Variants in ZNF844 observed in about 807,000 individuals in gnomAD.
ZNF844 encodes zinc finger protein 844.
In ZNF844, 11 loss-of-function variants were observed where a neutral mutation model predicts 11.4. The observed-to-expected ratio is 0.97, with a 90% confidence interval of 0.61 to 1.60. ZNF844 has a LOEUF of 1.60. ZNF844 is among the 40% of genes most tolerant of loss of function. ZNF844 has a pLI of 0.00. For missense variants in ZNF844, 790 were observed against 796.8 expected, an observed-to-expected ratio of 0.99 and a Z score of 0.10; for synonymous variants, 248 against 260.3, an observed-to-expected ratio of 0.95 and a Z score of 0.46.
At position 12,076,149 on chromosome 19, in the gene ZNF844, G is replaced by A; in HGVS notation, c.1029G>A (p.Gly343=). ...GKKPCECKQC[G]KALSYLNFQR... ...AGCCCTGTGAATGTAAACAATGTGG[G>A]AAAGCATTATCTTATCTTAACTTTC... Residue 343 remains glycine, a synonymous_variant, in exon 4 of 4, where the codon GGG becomes GGA. Coordinates refer to ENST00000439326, the MANE Select transcript of ZNF844 (RefSeq NM_001136501.3). The A allele has an allele frequency of 1.9e-6, 3 of 1,576,844 alleles. No individual in the cohort carries two copies. The highest frequency in any genetic ancestry group is 1.7e-4 in the Middle Eastern group (1 of 6,020).
intron 2 of ZNF844, 35 bp from the exon 3 acceptor site, chr19:12,074,326 T>C: frequency 6.7e-7 from 1 of 1,495,980 alleles, no homozygotes; most frequent in Non-Finnish European, 9.0e-7. Context: ...AATTTTATTT[T>C]AATTCAGGAT....
rs1456236784 is a variant in ZNF844 at position 12,075,665 on chromosome 19, C to G, written c.545C>G (p.Ser182Ter). Residue 182 changes from serine (S) to a stop codon, truncating the protein, a stop_gained, in exon 4 of 4, where the codon TCA becomes TGA. Transcript: ENST00000439326. LOFTEE classifies it low-confidence loss of function (END_TRUNC). ...KECGKTFISHSSIQRHMIMHN... is the reference protein window; with the variant it reads ...KECGKTFISH Reference sequence around the variant, plus strand: ...TGTGGAAAAACCTTCATATCCCATTCAAGCATTCAAAGACACATGATAATG... The same window carrying G: ...TGTGGAAAAACCTTCATATCCCATTGAAGCATTCAAAGACACATGATAATG... 3 of 1,612,160 alleles carry G rather than the reference C, an allele frequency of 1.9e-6. No individual in the cohort carries two copies. In the Admixed American group the frequency reaches 5.0e-5, roughly 27 times the overall value.
At chr19:12,066,911 CAA>C (rs1599397163) in intron 1 of ZNF844, among the ~76,000 whole-genome samples, 1 of 152,098 alleles carries the variant, frequency 6.6e-6, no homozygotes, top group Non-Finnish European at 1.5e-5. Context: ...AAGGTAAAGA[CAA>C]GAGAAGCAGT....
intron 1 of ZNF844, among the ~76,000 whole-genome samples, chr19:12,069,327 C>T (rs550461186): frequency 7.9e-5 from 12 of 151,394 alleles, no homozygotes; most frequent in South Asian, 4.2e-4. Flanking sequence ...GGATTACAGG[C>T]GCCCAGCACC....
At position 12,080,870 on chromosome 19, in the gene ZNF844, CAG is replaced by C. The variant is rs1327820518; in HGVS notation, c.*3750_*3751del. ...CTGGTTTCAAGTGATTCTGGTGTCT[CAG>C]CCACCTGAGTAGTCAGGATTACAGG... On this transcript the variant is annotated 3_prime_UTR_variant, in exon 4 of 4. Coordinates refer to ENST00000439326, the MANE Select transcript of ZNF844 (RefSeq NM_001136501.3). 1.3e-5 allele frequency: 2 copies of C among 152,182 alleles called. No homozygotes were observed. The highest frequency in any genetic ancestry group is 2.9e-5 in the Non-Finnish European group (2 of 68,078). The allele number at this position is 152,182 out of a possible 1,614,324, so 9.4% of individuals were successfully genotyped here.
rs1200831928 is a variant in ZNF844 at position 12,074,085 on chromosome 19, T to G, written c.58T>G (p.Leu20Val). 6.2e-7 allele frequency: 1 copy of G among 1,613,770 alleles called. No homozygotes were observed. Among genetic ancestry groups the G allele is most frequent in the Non-Finnish European group, 8.5e-7 (1 of 1,179,796 alleles). The change falls in exon 2 of 4, where the codon TTG (leucine) becomes GTG (valine). Residue 20 changes from leucine (L) to valine (V), a missense_variant. Leu to Val is a conservative substitution (Grantham distance 32). This residue lies in a region of ZNF844 where 129 missense variants were observed against 144.0 expected (regional missense o/e 0.90). Coordinates refer to ENST00000439326, the MANE Select transcript of ZNF844 (RefSeq NM_001136501.3). Reference protein sequence around the residue: ...AVNFTQEEWSLLDPSQKNLYR... With the variant: ...AVNFTQEEWSVLDPSQKNLYR... ...GAACTTCACCCAGGAGGAGTGGTCT[T>G]TGCTGGATCCTTCCCAGAAGAATCT...
chr19:12,075,020 G>A (rs1195967875), intron 3 of ZNF844, among the ~76,000 whole-genome samples: 1 of 152,006 alleles, frequency 6.6e-6, no homozygotes, highest in Non-Finnish European at 1.5e-5. Flanking sequence ...ATTTAGACAG[G>A]GTAGAAAGCC....
chr19:12,076,770 G>T lies in ZNF844; in HGVS notation c.1650G>T (p.Met550Ile), dbSNP rs1375231986. The T allele has an allele frequency of 6.3e-7, 1 of 1,587,774 alleles. No individual in the cohort carries two copies. Among genetic ancestry groups the T allele is most frequent in the Middle Eastern group, 1.7e-4 (1 of 6,032 alleles). ...ATCTGTCAGAAACCTTCAAATTCAT[G>T]AAAAGACACACCCTGGAGAGAAACC... ...PLDLSETFKF[M>I]KRHTLERNPI... Residue 550 changes from methionine (M) to isoleucine (I), a missense_variant, in exon 4 of 4, where the codon ATG (methionine) becomes ATT (isoleucine). By Grantham distance (10) the Met-to-Ile change is conservative. Transcript: ENST00000439326.
intron 1 of ZNF844, among the ~76,000 whole-genome samples, chr19:12,067,990 A>AGGAAGG (rs1568357660): frequency 2.7e-5 from 4 of 150,296 alleles, no homozygotes; most frequent in Non-Finnish European, 5.9e-5. Flanking sequence ...GAAGGAAAGA[A>AGGAAGG]AATTAAAAAT....
chr19:12,066,091 A>G (rs934960754), intron 1 of ZNF844, among the ~76,000 whole-genome samples: 9 of 151,396 alleles, frequency 5.9e-5, no homozygotes, highest in African/African-American at 2.2e-4. Context: ...GCAGGCGGCT[A>G]ATTTTTGTAT....
intron 3 of ZNF844, among the ~76,000 whole-genome samples, chr19:12,075,093 T>C (rs564396067): frequency 2.0e-5 from 3 of 152,232 alleles, no homozygotes; most frequent in Middle Eastern, 3.4e-3. Context: ...TTAGGAGATA[T>C]ACCTAATGCT....
chr19:12,077,113 CTG>C lies in ZNF844; in HGVS notation c.1994_1995del (p.Leu665ArgfsTer226). 6.3e-7 allele frequency: 1 copy of C among 1,598,722 alleles called. No individual in the cohort carries two copies. ...VPFVDIKGLTLE is the reference protein window; with the variant it reads ...VPFVDIKGLTXE ...TTTCGTAGACATAAAAGGGCTCACA[CTG>C]GAGTGAAACCGTATGAATGCAAGGA... On this transcript the variant is annotated frameshift_variant, in exon 4 of 4. Transcript: ENST00000439326. LOFTEE classifies it high-confidence loss of function.
In ZNF844 at chr19:12,076,574, C is replaced by T. The variant is rs868641909; in HGVS notation, c.1454C>T (p.Ser485Leu). The T allele has an allele frequency of 2.2e-5, 36 of 1,611,080 alleles. No homozygotes were observed. The highest frequency in any genetic ancestry group is 3.0e-5 in the Non-Finnish European group (35 of 1,178,994). ...AATGTAAGCAGTGTGGTAAAGCCTT[C>T]ATTTTTTCCACTTCCTTTCGATATC... Reference protein sequence around the residue: ...PMNVSSVVKPSFFPLPFDIMK... With the variant: ...PMNVSSVVKPLFFPLPFDIMK... Residue 485 changes from serine to leucine, a missense_variant, in exon 4 of 4, where the codon TCA (serine) becomes TTA (leucine). Ser to Leu is a moderately radical substitution (Grantham distance 145). Around this residue, in one of 3 missense-constraint regions of ZNF844, gnomAD observed 657 missense variants for 636.2 expected, o/e 1.03. Coordinates refer to ENST00000439326, the MANE Select transcript of ZNF844 (RefSeq NM_001136501.3).
intron 1 of ZNF844, 50 bp from the exon 2 acceptor site, chr19:12,073,981 C>A (rs748973525): frequency 6.3e-7 from 1 of 1,585,162 alleles, no homozygotes; most frequent in South Asian, 1.1e-5. Context: ...TATAGACCCC[C>A]AGTGCTGTCA....
chr19:12,072,551 C>G (rs2145545371), intron 1 of ZNF844, among the ~76,000 whole-genome samples: 1 of 151,900 alleles, frequency 6.6e-6, no homozygotes, highest in South Asian at 2.1e-4. Flanking sequence ...TTTTTCCAAA[C>G]TTTATATTTG....
chr19:12,069,984 C>T (rs895717106), intron 1 of ZNF844, among the ~76,000 whole-genome samples: 32 of 148,788 alleles, frequency 2.2e-4, no homozygotes, highest in Middle Eastern at 3.5e-3. Context: ...AGGCCGGGCG[C>T]GGTGGCTCAT....
At chr19:12,072,265 C>T (rs1384429738) in intron 1 of ZNF844, among the ~76,000 whole-genome samples, 1 of 152,216 alleles carries the variant, frequency 6.6e-6, no homozygotes, top group African/African-American at 2.4e-5. Flanking sequence ...ATTGTAAGTA[C>T]ATGCATACCA....
chr19:12,068,019 G>T (rs1186620320), intron 1 of ZNF844, among the ~76,000 whole-genome samples: 1 of 143,476 alleles, frequency 7.0e-6, no homozygotes, highest in East Asian at 2.1e-4. Flanking sequence ...AAATAGCCAG[G>T]CATAGTGCCT....
rs367908914 is a variant in ZNF844, at chr19:12,076,420, C to A, written c.1300C>A (p.Pro434Thr). 127 of 1,609,680 alleles carry A rather than the reference C, an allele frequency of 7.9e-5. 1 individual carries two copies. The South Asian group carries it at 1.1e-3, about 15-fold the overall frequency. ...AGTAAAGCCTTCATTTCTTCCACTT[C>A]CTTTCGATATCATGAAAGGACTCAC... ...SVVKPSFLPLPFDIMKGLTLE... is the reference protein window; with the variant it reads ...SVVKPSFLPLTFDIMKGLTLE... The change falls in exon 4 of 4, where the codon CCT becomes ACT. Residue 434 changes from proline to threonine, a missense_variant. Transcript: ENST00000439326.
Sources: allele counts gnomAD v4.1 joint callset (sites outside exome capture counted in the v4.1 genomes callset), GRCh38; gene constraint gnomAD v4.1.1; regional missense constraint gnomAD v4.1.1; transcripts MANE v1.5; gene names NCBI Gene and HGNC (gene_info 2026-07-23, HGNC 2026-07-21).